ZNF182: variants seen among roughly 807,000 people sequenced by gnomAD.
The protein encoded by ZNF182 is zinc finger protein 21 (KOX 14).
Under a neutral mutation model 28.1 loss-of-function variants are expected in ZNF182, and 10 were observed. The observed-to-expected ratio is 0.36, with a 90% confidence interval of 0.22 to 0.60. The LOEUF is 0.60. Among genes scored for constraint, ZNF182 ranks in the 20% least tolerant of loss-of-function variants. The probability of loss-of-function intolerance (pLI) is 0.75; values close to 1 mark genes in which losing one functional copy is unlikely to be tolerated. For missense variants in ZNF182, 352 were observed against 453.2 expected (o/e 0.78, Z 2.03); for synonymous variants, 156 against 158.7 (o/e 0.98, Z 0.13).
At chrX:47,994,703 A>T (rs1339658693) in intron 3 of ZNF182, among the ~76,000 whole-genome samples, 1 of 111,158 alleles carries the variant, frequency 9.0e-6, no homozygotes, top group Non-Finnish European at 1.9e-5. Context: ...CGGTGGTGTG[A>T]TCTCTGCGCA....
chrX:47,977,021 T>A lies in ZNF182; in HGVS notation c.1009A>T (p.Ile337Leu). 8.3e-7 allele frequency: 1 copy of A among 1,205,583 alleles called. No individual in the cohort carries two copies. Among genetic ancestry groups the A allele is most frequent in the Non-Finnish European group, 1.1e-6 (1 of 893,339 alleles). Residue 337 changes from isoleucine to leucine, a missense_variant, in exon 6 of 6, where the codon ATA becomes TTA. Ile to Leu is a conservative substitution (Grantham distance 5, BLOSUM62 2). Coordinates refer to ENST00000376943, the MANE Select transcript of ZNF182 (RefSeq NM_001007088.2). The part of the protein sequence containing the change: ...YECTKCGESF[I>L]QKLDLIIHHS... The stretch of plus-strand genomic sequence containing the variant: ...TGTATAATTAGATCAAGCTTCTGTA[T>A]GAAAGATTCTCCACATTTAGTGCAT...
At chrX:47,980,437 A>T (rs1350792322) in intron 5 of ZNF182, among the ~76,000 whole-genome samples, 1 of 111,855 alleles carries the variant, frequency 8.9e-6, no homozygotes, top group Admixed American at 9.5e-5. Context: ...AATAGCTAAA[A>T]GAAAAGATTT....
rs1449506187 is a variant in ZNF182 at position 47,977,470 on chromosome X, T to C, written c.560A>G (p.Tyr187Cys). The change falls in exon 6 of 6, where the codon TAT becomes TGT. Residue 187 changes from tyrosine (Y) to cysteine (C), a missense_variant. Tyr to Cys is a radical substitution (Grantham distance 194). Coordinates refer to ENST00000376943, the MANE Select transcript of ZNF182 (RefSeq NM_001007088.2). ...YEKTNPGMKP[Y>C]GYKECGKGLR... is the part of the protein sequence containing the mutation. ...ACCTTTCCCACACTCTTTATAGCCA[T>C]AGGGCTTCATTCCAGGATTTGTTTT... The C allele has an allele frequency of 4.1e-6, 5 of 1,210,549 alleles. No individual in the cohort carries two copies. Among genetic ancestry groups the C allele is most frequent in the East Asian group, 3.0e-5 (1 of 33,802 alleles).
At chrX:47,985,670 A>G (rs1398053431) in intron 3 of ZNF182, among the ~76,000 whole-genome samples, 1 of 111,370 alleles carries the variant, frequency 9.0e-6, no homozygotes. Flanking sequence ...GTGTATACCG[A>G]GAACCCTTAA....
chrX:47,998,841 C>T (rs1176572363), intron 3 of ZNF182, among the ~76,000 whole-genome samples: 2 of 82,117 alleles, frequency 2.4e-5, no homozygotes, highest in Non-Finnish European at 4.6e-5. Context: ...AGTGACAGAG[C>T]GAGACTCCGT....
At position 47,976,027 on chromosome X, in the gene ZNF182, G is replaced by GACTGAGATGAAAAGAA. The variant is rs2058881975; in HGVS notation, c.*139_*140insTTCTTTTCATCTCAGT. On this transcript the variant is annotated 3_prime_UTR_variant, in exon 6 of 6. Coordinates refer to ENST00000376943, the MANE Select transcript of ZNF182 (RefSeq NM_001007088.2). ...TTCTGCTTTTTCTCCCGTAGCTTTT[G>GACTGAGATGAAAAGAA]GGTTATGACTGAGATGAAAAGAAGA... 1.6e-6 allele frequency: 1 copy of GACTGAGATGAAAAGAA among 621,878 alleles called. No homozygotes were observed. The highest frequency in any genetic ancestry group is 4.1e-5 in the Admixed American group (1 of 24,367). The allele number at this position is 621,878 out of a possible 1,213,427, so 51.2% of individuals were successfully genotyped here. A position where few individuals can be genotyped will look rare whatever the true frequency, so the allele number is the denominator to read the frequency against.
At chrX:47,998,948 T>A (rs1245397347) in intron 3 of ZNF182, among the ~76,000 whole-genome samples, 2 of 111,711 alleles carry the variant, frequency 1.8e-5, no homozygotes, top group African/African-American at 6.5e-5. Flanking sequence ...GTCAAGGAGA[T>A]ATCTACAATC....
chrX:48,002,699 G>C, intron 2 of ZNF182, 46 bp from the exon 3 acceptor site: 1 of 1,086,762 alleles, frequency 9.2e-7, no homozygotes, highest in Non-Finnish European at 1.3e-6. Flanking sequence ...GACCCCATCA[G>C]ACTTTCAGTG....
chrX:47,996,099 T>C (rs149552323), intron 3 of ZNF182, among the ~76,000 whole-genome samples: 181 of 112,320 alleles, frequency 1.6e-3, no homozygotes, highest in Middle Eastern at 9.1e-3. Flanking sequence ...TCTGGGTAAA[T>C]AGAATAGATT....
At chrX:48,001,111 A>G (rs1046431338) in intron 3 of ZNF182, among the ~76,000 whole-genome samples, 7 of 112,488 alleles carry the variant, frequency 6.2e-5, no homozygotes, top group Non-Finnish European at 1.1e-4. Context: ...AAATGGTTCA[A>G]CCACTCTAGA....
intron 3 of ZNF182, among the ~76,000 whole-genome samples, chrX:47,999,365 A>G (rs1333122142): frequency 4.8e-5 from 5 of 104,355 alleles, no homozygotes; most frequent in South Asian, 4.0e-4. Context: ...TCCATCTCAA[A>G]AAAAAAAAAA....
chrX:47,995,001 C>T (rs1356350487), intron 3 of ZNF182, among the ~76,000 whole-genome samples: 1 of 108,832 alleles, frequency 9.2e-6, no homozygotes, highest in East Asian at 2.9e-4. Context: ...GCAACTGTTC[C>T]ATCTGCAATG....
intron 3 of ZNF182, chrX:47,988,427 T>A: frequency 3.0e-6 from 1 of 335,387 alleles, no homozygotes. Flanking sequence ...TGGTGATGAG[T>A]GACTTTTCAC....
intron 5 of ZNF182, 77 bp from the exon 6 acceptor site, chrX:47,977,874 T>G: frequency 3.4e-6 from 3 of 882,829 alleles, no homozygotes; most frequent in Non-Finnish European, 4.6e-6. Flanking sequence ...TTCTGCCATA[T>G]GAAAGCTGAT....
chrX:47,977,070 G>A lies in ZNF182; in HGVS notation c.960C>T (p.Thr320=). 8.3e-7 allele frequency: 1 copy of A among 1,209,748 alleles called. No individual in the cohort carries two copies. The highest frequency in any genetic ancestry group is 1.8e-5 in the South Asian group (1 of 56,522). Residue 320 remains threonine, a synonymous_variant, in exon 6 of 6, where the codon ACC becomes ACT. Transcript: ENST00000376943. ...ATTCATAGGTTTTCTCTCCAGTGTGGGTTTTCTGATGGACAATGAGGTTGG... is the reference window on the plus strand; with the variant it reads ...ATTCATAGGTTTTCTCTCCAGTGTGAGTTTTCTGATGGACAATGAGGTTGG... ...QKSNLIVHQK[T]HTGEKTYECT...
chrX:47,998,958 C>A (rs1384456105), intron 3 of ZNF182, among the ~76,000 whole-genome samples: 1 of 112,148 alleles, frequency 8.9e-6, no homozygotes, highest in Non-Finnish European at 1.9e-5. Flanking sequence ...TATCTACAAT[C>A]CCATGTTTAT....
In ZNF182 at chrX:47,975,976, A is replaced by C; in HGVS notation, c.*191T>G. ...CTCATTAGGGTTGCAGCTGTCTCCT[A>C]ATTTTGTCAGATACAGAGATTACAC... On this transcript the variant is annotated 3_prime_UTR_variant, in exon 6 of 6. Transcript: ENST00000376943. 1 of 377,873 alleles carries C rather than the reference A, an allele frequency of 2.6e-6. No individual in the cohort carries two copies. The highest frequency in any genetic ancestry group is 4.3e-6 in the Non-Finnish European group (1 of 231,759). The allele number at this position is 377,873 out of a possible 1,213,427, so 31.1% of individuals were successfully genotyped here. A position where few individuals can be genotyped will look rare whatever the true frequency, so the allele number is the denominator to read the frequency against.
chrX:47,987,113 A>G (rs1371174046), intron 3 of ZNF182, among the ~76,000 whole-genome samples: 1 of 111,967 alleles, frequency 8.9e-6, no homozygotes, highest in Non-Finnish European at 1.9e-5. Context: ...GTCCCTCTAG[A>G]GAACCTTGAC....
intron 3 of ZNF182, among the ~76,000 whole-genome samples, chrX:48,000,434 T>A (rs1376236616): frequency 9.0e-6 from 1 of 110,507 alleles, no homozygotes; most frequent in Non-Finnish European, 1.9e-5. Context: ...TAGTGGCACA[T>A]GCCTGTAGTC....
Sources: allele counts gnomAD v4.1 joint callset (sites outside exome capture counted in the v4.1 genomes callset), GRCh38; gene constraint gnomAD v4.1.1; transcripts MANE v1.5; gene names NCBI Gene and HGNC (gene_info 2026-07-23, HGNC 2026-07-21).